The following SLC17A7 variants were observed in gnomAD, a reference collection of about 807,000 sequenced individuals.
SLC17A7 encodes the protein vesicular glutamate transporter 1.
SLC17A7 carries 15 observed loss-of-function variants against 59.1 expected under a neutral mutation model. The ratio of observed to expected loss-of-function variants is 0.25; its 90% CI spans 0.17 to 0.39. The LOEUF (loss-of-function observed/expected upper bound fraction) is 0.39. Among genes scored for constraint, SLC17A7 ranks in the 10% least tolerant of loss-of-function variants. The pLI is 1.00. For missense variants in SLC17A7, 499 were observed against 765.1 expected (o/e 0.65, Z 4.10); for synonymous variants, 353 against 308.9 (o/e 1.14, Z -1.50).
In SLC17A7 at chr19:49,433,673, G is replaced by A; in HGVS notation, c.867+53C>T. On this transcript the variant is annotated intron_variant, in intron 7 of 11. Coordinates refer to ENST00000221485, the MANE Select transcript of SLC17A7 (RefSeq NM_020309.4). This position sits in a 1 kb window ranked among gnomAD's most constrained non-coding sequence, Gnocchi z 5.7. Reference sequence around the variant, plus strand: ...CGTCCCTGATCTACACGCTGTGCAGGTTCGTGGCTTGCTATCTCTCCCCGC... The same window carrying A: ...CGTCCCTGATCTACACGCTGTGCAGATTCGTGGCTTGCTATCTCTCCCCGC... 4.3e-6 allele frequency: 7 copies of A among 1,612,442 alleles called. No individual in the cohort carries two copies. Among genetic ancestry groups the A allele is most frequent in the Non-Finnish European group, 5.1e-6 (6 of 1,178,706 alleles).
Position 49,430,383 on chromosome 19 carries a change from G to C in SLC17A7, c.*136C>G. 1 of 619,070 alleles carries C rather than the reference G, an allele frequency of 1.6e-6. No individual in the cohort carries two copies. Among genetic ancestry groups the C allele is most frequent in the Non-Finnish European group, 2.8e-6 (1 of 363,110 alleles). The allele number at this position is 619,070 out of a possible 1,614,324, so 38.3% of individuals were successfully genotyped here. On this transcript the variant is annotated 3_prime_UTR_variant, in exon 12 of 12. Transcript: ENST00000221485. ...ATTGGGAAGGAAAGAGGATTTGACA[G>C]CACTGGGAACAAGGGAGAGTGCTTC...
intron 2 of SLC17A7, 80 bp from the exon 3 acceptor site, chr19:49,435,366 G>T (rs1382171234): frequency 4.1e-6 from 4 of 975,978 alleles, no homozygotes; most frequent in Admixed American, 2.0e-5. Flanking sequence ...CAGACTTAGC[G>T]TCTCGACCTA....
At position 49,430,620 on chromosome 19, in the gene SLC17A7, C is replaced by T; in HGVS notation, c.1582G>A (p.Ala528Thr). The T allele has an allele frequency of 6.2e-7, 1 of 1,613,988 alleles. No homozygotes were observed. Among genetic ancestry groups the T allele is most frequent in the South Asian group, 1.1e-5 (1 of 91,074 alleles). The change falls in exon 12 of 12, where the codon GCT (alanine) becomes ACT (threonine). Residue 528 changes from alanine (A) to threonine (T), a missense_variant. Physicochemically the swap from Ala to Thr is moderately conservative, Grantham distance 58 (BLOSUM62 0). Transcript: ENST00000221485. ...GSDDSEMEDEAEPPGAPPAPP... is the reference protein window; with the variant it reads ...GSDDSEMEDETEPPGAPPAPP... ...GCAGGGGGTGCCCCCGGGGGCTCAG[C>T]CTCATCCTCCATTTCGCTGTCGTCA...
rs771363425 is a variant in SLC17A7, at chr19:49,434,599, C to T, written c.637+3G>A. 1 of 1,598,606 alleles carries T rather than the reference C, an allele frequency of 6.3e-7. No homozygotes were observed. ...CAGGAGTGAGGATCCCTCTTCCTCT[C>T]ACCACAAAAGGCTGTCGTCGCCAGG... On this transcript the variant is annotated splice_donor_region_variant and intron_variant, in intron 5 of 11. Transcript: ENST00000221485.
chr19:49,440,234 G>A (rs995374349), intron 1 of SLC17A7, among the ~76,000 whole-genome samples: 27 of 152,186 alleles, frequency 1.8e-4, no homozygotes, highest in African/African-American at 6.3e-4. Context: ...ATGGCCTAGC[G>A]AGGTGGACTG....
Position 49,436,217 on chromosome 19 carries a change from G to A in SLC17A7, c.315+332C>T, listed in dbSNP as rs578243180. 5.6e-6 allele frequency: 2 copies of A among 354,302 alleles called. No individual in the cohort carries two copies. Among genetic ancestry groups the A allele is most frequent in the African/African-American group, 2.0e-5 (1 of 49,446 alleles). The allele number at this position is 354,302 out of a possible 1,614,324, so 21.9% of individuals were successfully genotyped here. ...ATGTGACCCGGGGACATGAGCTTGG[G>A]GTACAGGCGTGAGCAAAATTGCTAG... is the stretch of plus-strand genomic sequence containing the variant. On this transcript the variant is annotated intron_variant, in intron 2 of 11. Coordinates refer to ENST00000221485, the MANE Select transcript of SLC17A7 (RefSeq NM_020309.4). The surrounding 1 kb of genome is among the most constrained non-coding windows in gnomAD (Gnocchi z 4.1).
In SLC17A7 at chr19:49,430,665, G is replaced by A. The variant is rs2078955858; in HGVS notation, c.1537C>T (p.His513Tyr). ...MSEEKCGFVG[H>Y]DQLAGSDDSE... Reference sequence around the variant, plus strand: ...TCGTCACTGCCAGCCAGCTGGTCATGGCCAACGAAGCCACACTTCTCCTCG... The same window carrying A: ...TCGTCACTGCCAGCCAGCTGGTCATAGCCAACGAAGCCACACTTCTCCTCG... The change falls in exon 12 of 12, where the codon CAT (histidine) becomes TAT (tyrosine). Residue 513 changes from histidine (H) to tyrosine (Y), a missense_variant. Around this residue, in one of 3 missense-constraint regions of SLC17A7, gnomAD observed 98 missense variants for 77.5 expected, o/e 1.27. Transcript: ENST00000221485. 1 of 1,614,008 alleles carries A rather than the reference G, an allele frequency of 6.2e-7. No homozygotes were observed. Among genetic ancestry groups the A allele is most frequent in the African/African-American group, 1.3e-5 (1 of 74,922 alleles).
intron 1 of SLC17A7, among the ~76,000 whole-genome samples, chr19:49,439,662 T>C (rs903463559): frequency 2.6e-5 from 4 of 152,196 alleles, no homozygotes; most frequent in African/African-American, 9.7e-5. Context: ...GTCTCTAATA[T>C]GGGGTATTCC....
chr19:49,430,524 A>AG lies in SLC17A7; in HGVS notation c.1677dup (p.Tyr560LeufsTer24). ...ATTCAGTGGGAGGCACATGGTCAGT[A>AG]GTCCCGGACAGGGGGTGGGGGCCTG... On this transcript the variant is annotated frameshift_variant, in exon 12 of 12. Coordinates refer to ENST00000221485, the MANE Select transcript of SLC17A7 (RefSeq NM_020309.4). LOFTEE classifies it high-confidence loss of function. 1.3e-6 allele frequency: 2 copies of AG among 1,565,742 alleles called. No individual in the cohort carries two copies. Among genetic ancestry groups the AG allele is most frequent in the Non-Finnish European group, 1.7e-6 (2 of 1,155,444 alleles).
Position 49,436,448 on chromosome 19 carries a change from G to T in SLC17A7, c.315+101C>A, listed in dbSNP as rs1449117744. ...CTATTCCGACAGCGTTTCGGAAGGGGCGTGGCCTGGACGTCTGGTGGGTGA... is the reference window on the plus strand; with the variant it reads ...CTATTCCGACAGCGTTTCGGAAGGGTCGTGGCCTGGACGTCTGGTGGGTGA... On this transcript the variant is annotated intron_variant, in intron 2 of 11. Coordinates refer to ENST00000221485, the MANE Select transcript of SLC17A7 (RefSeq NM_020309.4). This position sits in a 1 kb window ranked among gnomAD's most constrained non-coding sequence, Gnocchi z 4.1. The T allele has an allele frequency of 1.4e-6, 2 of 1,470,662 alleles. No homozygotes were observed. The highest frequency in any genetic ancestry group is 2.8e-5 in the African/African-American group (2 of 72,354). 91.1% of individuals were successfully genotyped at this position (1,470,662 alleles called of 1,614,324 possible).
rs995318121 is a variant in SLC17A7 at position 49,430,490 on chromosome 19, G to A, written c.*29C>T. The A allele has an allele frequency of 3.3e-6, 5 of 1,520,586 alleles. No individual in the cohort carries two copies. Among genetic ancestry groups the A allele is most frequent in the Non-Finnish European group, 3.6e-6 (4 of 1,125,562 alleles). The allele number at this position is 1,520,586 out of a possible 1,614,324, so 94.2% of individuals were successfully genotyped here. On this transcript the variant is annotated 3_prime_UTR_variant, in exon 12 of 12. Transcript: ENST00000221485. ...AGAGATGAGTGGAATGGAGGTCCTG[G>A]AAACTGCCATTCAGTGGGAGGCACA... is the stretch of plus-strand genomic sequence containing the variant.
intron 1 of SLC17A7, chr19:49,438,248 A>G (rs1405054972): frequency 1.3e-5 from 2 of 152,484 alleles, no homozygotes; most frequent in Admixed American, 1.3e-4. Flanking sequence ...AGTCCCAAAG[A>G]GAGGCGGGGA....
rs373815886 is a variant in SLC17A7 at position 49,436,508 on chromosome 19, G to A, written c.315+41C>T. On this transcript the variant is annotated intron_variant, in intron 2 of 11. Coordinates refer to ENST00000221485, the MANE Select transcript of SLC17A7 (RefSeq NM_020309.4). This position sits in a 1 kb window ranked among gnomAD's most constrained non-coding sequence, Gnocchi z 4.1. ...CATGGGGGCGTAGGCGGAGCTCGGT[G>A]AGCGGGGCGGGGCTCTGCAAGGGCT... 1.7e-4 allele frequency: 266 copies of A among 1,595,076 alleles called. No homozygotes were observed. Among genetic ancestry groups the A allele is most frequent in the Non-Finnish European group, 2.1e-4 (243 of 1,171,578 alleles).
chr19:49,431,208 T>C lies in SLC17A7; in HGVS notation c.1262-66A>G. On this transcript the variant is annotated intron_variant, in intron 10 of 11. Coordinates refer to ENST00000221485, the MANE Select transcript of SLC17A7 (RefSeq NM_020309.4). This position sits in a 1 kb window ranked among gnomAD's most constrained non-coding sequence, Gnocchi z 4.6. ...CACTCGAGTGATTCCCACTGGGACG[T>C]TCTCAACCCTCTCCCCTCCCCGCCA... The C allele has an allele frequency of 1.9e-6, 3 of 1,571,052 alleles. No individual in the cohort carries two copies. Among genetic ancestry groups the C allele is most frequent in the Non-Finnish European group, 2.6e-6 (3 of 1,155,698 alleles).
At chr19:49,434,491 C>T in intron 5 of SLC17A7, 111 bp downstream of exon 5, 1 of 1,061,220 alleles carries the variant, frequency 9.4e-7, no homozygotes, top group Non-Finnish European at 1.3e-6. Context: ...CCTCCTCCTC[C>T]CTCAGACACA....
chr19:49,435,600 C>T (rs2078977043), intron 2 of SLC17A7: 1 of 258,516 alleles, frequency 3.9e-6, no homozygotes, highest in South Asian at 6.2e-5. Flanking sequence ...CACTTATATC[C>T]AGCTTATGAG....
At position 49,436,461 on chromosome 19, in the gene SLC17A7, G is replaced by C; in HGVS notation, c.315+88C>G. ...GTTTCGGAAGGGGCGTGGCCTGGAC[G>C]TCTGGTGGGTGAGTGTGACGTCATG... On this transcript the variant is annotated intron_variant, in intron 2 of 11. Transcript: ENST00000221485. This position sits in a 1 kb window ranked among gnomAD's most constrained non-coding sequence, Gnocchi z 4.1. 1 of 1,523,228 alleles carries C rather than the reference G, an allele frequency of 6.6e-7. No homozygotes were observed. Among genetic ancestry groups the C allele is most frequent in the Non-Finnish European group, 8.9e-7 (1 of 1,126,400 alleles). The allele number at this position is 1,523,228 out of a possible 1,614,324, so 94.4% of individuals were successfully genotyped here.
rs1267692264 is a variant in SLC17A7, at chr19:49,441,448, C to A, written c.-69G>T. Reference sequence around the variant, plus strand: ...CGATCCCCCCGCCCGCGGGCCCGGGCGGCCGCGTCCGGGTTCCCGGGGTCC... The same window carrying A: ...CGATCCCCCCGCCCGCGGGCCCGGGAGGCCGCGTCCGGGTTCCCGGGGTCC... On this transcript the variant is annotated 5_prime_UTR_variant, in exon 1 of 12. Coordinates refer to ENST00000221485, the MANE Select transcript of SLC17A7 (RefSeq NM_020309.4). 1.1e-5 allele frequency: 14 copies of A among 1,225,586 alleles called. No individual in the cohort carries two copies. The highest frequency in any genetic ancestry group is 2.0e-5 in the African/African-American group (1 of 48,844). 75.9% of individuals were successfully genotyped at this position (1,225,586 alleles called of 1,614,324 possible). A position where few individuals can be genotyped will look rare whatever the true frequency, so the allele number is the denominator to read the frequency against.
chr19:49,434,589 C>T lies in SLC17A7; in HGVS notation c.637+13G>A. On this transcript the variant is annotated intron_variant, in intron 5 of 11. Transcript: ENST00000221485. ...CCCTCAGATTCAGGAGTGAGGATCC[C>T]TCTTCCTCTCACCACAAAAGGCTGT... 6.3e-7 allele frequency: 1 copy of T among 1,596,410 alleles called. No individual in the cohort carries two copies. Among genetic ancestry groups the T allele is most frequent in the Admixed American group, 1.9e-5 (1 of 53,494 alleles).
Sources: allele counts gnomAD v4.1 joint callset (sites outside exome capture counted in the v4.1 genomes callset), GRCh38; gene constraint gnomAD v4.1.1; regional missense constraint gnomAD v4.1.1; non-coding constraint Gnocchi (gnomAD v3.1); transcripts MANE v1.5; gene names NCBI Gene and HGNC (gene_info 2026-07-23, HGNC 2026-07-21).